Variants in ZDHHC3 observed in about 807,000 individuals in gnomAD.
ZDHHC3 encodes palmitoyltransferase ZDHHC3.
A neutral mutation model predicts 30.6 loss-of-function variants in ZDHHC3; 9 were observed. The ratio of observed to expected loss-of-function variants is 0.29; its 90% confidence interval spans 0.18 to 0.51. The LOEUF (loss-of-function observed/expected upper bound fraction) is 0.51, where lower values mean the gene tolerates loss of function less well. Ranked by LOEUF, ZDHHC3 falls within the 20% of genes least tolerant of loss-of-function variation. The pLI is 0.97. For synonymous variants in ZDHHC3, 136 were observed against 140.2 expected, an observed-to-expected ratio of 0.97 and a Z score of 0.21; for missense variants, 246 against 384.2, an observed-to-expected ratio of 0.64 and a Z score of 3.01.
At position 44,923,929 on chromosome 3, in the gene ZDHHC3, T is replaced by G. The variant is rs1358025313; in HGVS notation, c.*2760A>C. The G allele has an allele frequency of 4.1e-6, 4 of 985,466 alleles. No homozygotes were observed. The highest frequency in any genetic ancestry group is 4.8e-6 in the Non-Finnish European group (4 of 829,934). The allele number at this position is 985,466 out of a possible 1,614,324, so 61.0% of individuals were successfully genotyped here. A position where few individuals can be genotyped will look rare whatever the true frequency, so the allele number is the denominator to read the frequency against. On this transcript the variant is annotated 3_prime_UTR_variant, in exon 7 of 7. Coordinates refer to ENST00000424952, the MANE Select transcript of ZDHHC3 (RefSeq NM_001135179.2). ...ATTACCAAGCCCATGCAAATATGCA[T>G]AGATTATAGATTTGCTTGGATCTAA...
chr3:44,950,127 G>T (rs187205264), intron 2 of ZDHHC3, among the ~76,000 whole-genome samples: 58 of 152,282 alleles, frequency 3.8e-4, no homozygotes, highest in Non-Finnish European at 6.8e-4. Flanking sequence ...GTGAGCCATT[G>T]TCCCCAGCTG....
rs1700777455 is a variant in ZDHHC3, at chr3:44,923,734, T to A, written c.*2955A>T. On this transcript the variant is annotated 3_prime_UTR_variant, in exon 7 of 7. Coordinates refer to ENST00000424952, the MANE Select transcript of ZDHHC3 (RefSeq NM_001135179.2). ...ACAAGAATCACTTGAGCCCAGGAGT[T>A]CAAGGCTGCAGTGAGCTCTAATTGT... 1.1e-6 allele frequency: 1 copy of A among 905,982 alleles called. No homozygotes were observed. Among genetic ancestry groups the A allele is most frequent in the Non-Finnish European group, 1.3e-6 (1 of 757,790 alleles). 56.1% of individuals were successfully genotyped at this position (905,982 alleles called of 1,614,324 possible).
At chr3:44,953,769 C>T (rs985489195) in intron 2 of ZDHHC3, among the ~76,000 whole-genome samples, 7 of 152,124 alleles carry the variant, frequency 4.6e-5, no homozygotes, top group African/African-American at 1.4e-4. Context: ...ATAAGTTGCT[C>T]GGGGGCAGGG....
chr3:44,954,172 A>C (rs1175110765), intron 2 of ZDHHC3, among the ~76,000 whole-genome samples: 1 of 152,024 alleles, frequency 6.6e-6, no homozygotes, highest in African/African-American at 2.4e-5. Context: ...GTCTGTTTAC[A>C]GCAAGGTGTT....
intron 5 of ZDHHC3, among the ~76,000 whole-genome samples, chr3:44,930,542 G>A (rs372635526): frequency 5.3e-5 from 8 of 152,138 alleles, no homozygotes; most frequent in East Asian, 1.9e-4. Context: ...GGGCAGAGTC[G>A]GGCTTCATTA....
Position 44,921,118 on chromosome 3 carries a change from GGT to G in ZDHHC3, c.*5569_*5570del. The stretch of plus-strand genomic sequence containing the variant: ...TAGTCGACACCAGAAGCTCTTGCAG[GGT>G]GTGTGATGGGCCTTTTGGCCCAGGT... On this transcript the variant is annotated 3_prime_UTR_variant, in exon 7 of 7. Transcript: ENST00000424952. The G allele has an allele frequency of 1.0e-6, 1 of 985,412 alleles. No individual in the cohort carries two copies. The highest frequency in any genetic ancestry group is 1.7e-5 in the African/African-American group (1 of 57,354). The allele number at this position is 985,412 out of a possible 1,614,324, so 61.0% of individuals were successfully genotyped here.
intron 1 of ZDHHC3, among the ~76,000 whole-genome samples, chr3:44,964,324 A>AGCCAAGTGAAG (rs1704741639): frequency 6.6e-6 from 1 of 152,200 alleles, no homozygotes. Flanking sequence ...CAGCACCTGG[A>AGCCAAGTGAAG]GCCAAGTGAA....
At position 44,921,248 on chromosome 3, in the gene ZDHHC3, G is replaced by T. The variant is rs2125783361; in HGVS notation, c.*5441C>A. 1 of 985,376 alleles carries T rather than the reference G, an allele frequency of 1.0e-6. No homozygotes were observed. The highest frequency in any genetic ancestry group is 4.7e-5 in the South Asian group (1 of 21,282). The allele number at this position is 985,376 out of a possible 1,614,324, so 61.0% of individuals were successfully genotyped here. On this transcript the variant is annotated 3_prime_UTR_variant, in exon 7 of 7. Transcript: ENST00000424952. ...TCCCGAGGAAGGAAGAGTCTGTGCA[G>T]AACAGACTCAGCTGAGCCCCACAGA...
intron 6 of ZDHHC3, among the ~76,000 whole-genome samples, chr3:44,927,141 C>T (rs139442058): frequency 1.2e-4 from 19 of 152,168 alleles, no homozygotes; most frequent in African/African-American, 4.3e-4. Flanking sequence ...AGATAAGGAG[C>T]GCGTCTCTCC....
intron 3 of ZDHHC3, 64 bp from the exon 4 acceptor site, chr3:44,934,048 A>C: frequency 6.7e-7 from 1 of 1,492,000 alleles, no homozygotes; most frequent in East Asian, 2.3e-5. Context: ...CCCCGGGGGA[A>C]CGCAGAACCC....
At position 44,929,372 on chromosome 3, in the gene ZDHHC3, C is replaced by G. The variant is rs1221973553; in HGVS notation, c.675G>C (p.Leu225=). The change falls in exon 6 of 7, where the codon CTG becomes CTC. Residue 225 remains leucine (L), a synonymous_variant. Coordinates refer to ENST00000424952, the MANE Select transcript of ZDHHC3 (RefSeq NM_001135179.2). ...ILLILLCFEG[L]LFLIFTSVMF... is the part of the protein sequence containing the mutation. ...TCACTGATGTGAAAATGAGGAAGAG[C>G]AGGCCCTCAAAGCACAGCAGGATAA... 1 of 1,614,122 alleles carries G rather than the reference C, an allele frequency of 6.2e-7. No homozygotes were observed. The highest frequency in any genetic ancestry group is 1.7e-5 in the Admixed American group (1 of 60,016).
In ZDHHC3 at chr3:44,922,713, G is replaced by A; in HGVS notation, c.*3976C>T. On this transcript the variant is annotated 3_prime_UTR_variant, in exon 7 of 7. Transcript: ENST00000424952. ...TCAGAATCACCTGGAGGGCTGTTAA[G>A]ACACGGGCTGCTGGGCCCCGCTCGG... The A allele has an allele frequency of 1.0e-6, 1 of 985,092 alleles. No homozygotes were observed. The highest frequency in any genetic ancestry group is 1.7e-5 in the African/African-American group (1 of 57,350). The allele number at this position is 985,092 out of a possible 1,614,324, so 61.0% of individuals were successfully genotyped here.
At position 44,959,238 on chromosome 3, in the gene ZDHHC3, G is replaced by C; in HGVS notation, c.199C>G (p.Leu67Val). 1 of 1,614,262 alleles carries C rather than the reference G, an allele frequency of 6.2e-7. No individual in the cohort carries two copies. The highest frequency in any genetic ancestry group is 8.5e-7 in the Non-Finnish European group (1 of 1,180,060). Residue 67 changes from leucine (L) to valine (V), a missense_variant, in exon 2 of 7, where the codon CTG (leucine) becomes GTG (valine). By Grantham distance (32) the Leu-to-Val change is conservative. Coordinates refer to ENST00000424952, the MANE Select transcript of ZDHHC3 (RefSeq NM_001135179.2). This position sits in a 1 kb window ranked among gnomAD's most constrained non-coding sequence, Gnocchi z 4.3. ...TACACGTAGTCTCGAGATGGAATCA[G>C]CATGACAAAGAGGACCACGAACTCC... ...YAEFVVLFVM[L>V]IPSRDYVYSI...
At chr3:44,934,006 A>T (rs375630806) in intron 3 of ZDHHC3, 22 bp from the exon 4 acceptor site, 57 of 1,612,578 alleles carry the variant, frequency 3.5e-5, no homozygotes, top group Non-Finnish European at 3.4e-5. Flanking sequence ...CACAGGTCAG[A>T]CCTTTAGGGC....
chr3:44,921,344 T>C lies in ZDHHC3; in HGVS notation c.*5345A>G, dbSNP rs1418137202. Reference sequence around the variant, plus strand: ...AGCCAGAGCCTCAGGGAGCAGCCTATGCAAATGTGTCTCTTCATAGCGGGC... The same window carrying C: ...AGCCAGAGCCTCAGGGAGCAGCCTACGCAAATGTGTCTCTTCATAGCGGGC... On this transcript the variant is annotated 3_prime_UTR_variant, in exon 7 of 7. Coordinates refer to ENST00000424952, the MANE Select transcript of ZDHHC3 (RefSeq NM_001135179.2). The C allele has an allele frequency of 1.0e-6, 1 of 978,832 alleles. No individual in the cohort carries two copies. Among genetic ancestry groups the C allele is most frequent in the East Asian group, 1.5e-4 (1 of 6,854 alleles). The allele number at this position is 978,832 out of a possible 1,614,324, so 60.6% of individuals were successfully genotyped here. A position where few individuals can be genotyped will look rare whatever the true frequency, so the allele number is the denominator to read the frequency against.
rs542752179 is a variant in ZDHHC3, at chr3:44,967,523, AT to A, written c.-24-8064del. ...ACATAGTGAGACCTTGTTTCTATAA[AT>A]TTTTTTTAATTGGGGGAAAAAAAAG... On this transcript the variant is annotated intron_variant, in intron 1 of 6. Coordinates refer to ENST00000424952, the MANE Select transcript of ZDHHC3 (RefSeq NM_001135179.2). Among the ~76,000 whole-genome samples, 770 of 151,388 alleles carry A rather than the reference AT, an allele frequency of 5.1e-3. 7 individuals are homozygous for A. The highest frequency in any genetic ancestry group is 6.2e-3 in the Non-Finnish European group (418 of 67,744).
At position 44,917,186 on chromosome 3, in the gene ZDHHC3, T is replaced by C. The variant is rs182918002; in HGVS notation, c.*9503A>G. The C allele has an allele frequency of 2.0e-5, 3 of 152,666 alleles. No individual in the cohort carries two copies. The highest frequency in any genetic ancestry group is 2.0e-4 in the Admixed American group (3 of 15,322). The allele number at this position is 152,666 out of a possible 1,614,324, so 9.5% of individuals were successfully genotyped here. A position where few individuals can be genotyped will look rare whatever the true frequency, so the allele number is the denominator to read the frequency against. On this transcript the variant is annotated 3_prime_UTR_variant, in exon 7 of 7. Transcript: ENST00000424952. ...CCAGTGTCTGTGGAATGGGGGCTCA[T>C]TTTCGGTGCTACTGTCTTAACTCTG...
chr3:44,949,584 TGAG>T (rs1350730661), intron 2 of ZDHHC3, among the ~76,000 whole-genome samples: 2 of 152,068 alleles, frequency 1.3e-5, no homozygotes, highest in Admixed American at 1.3e-4. Flanking sequence ...AACAAAAACT[TGAG>T]GAGCCACCCA....
chr3:44,924,940 T>C lies in ZDHHC3; in HGVS notation c.*1749A>G, dbSNP rs1273243107. ...TCAGGAAAGCTCTTAGGAGAGCCCATCAGCACAAAGGAATTGATTCAGGCT... is the reference window on the plus strand; with the variant it reads ...TCAGGAAAGCTCTTAGGAGAGCCCACCAGCACAAAGGAATTGATTCAGGCT... On this transcript the variant is annotated 3_prime_UTR_variant, in exon 7 of 7. Coordinates refer to ENST00000424952, the MANE Select transcript of ZDHHC3 (RefSeq NM_001135179.2). The C allele has an allele frequency of 1.0e-6, 1 of 985,392 alleles. No homozygotes were observed. Among genetic ancestry groups the C allele is most frequent in the East Asian group, 1.1e-4 (1 of 8,828 alleles). The allele number at this position is 985,392 out of a possible 1,614,324, so 61.0% of individuals were successfully genotyped here. A position where few individuals can be genotyped will look rare whatever the true frequency, so the allele number is the denominator to read the frequency against.
Sources: gnomAD v4.1 joint callset for allele counts (sites outside exome capture counted in the v4.1 genomes callset) on GRCh38, gnomAD v4.1.1 for gene constraint, Gnocchi (gnomAD v3.1) non-coding constraint, MANE v1.5 for transcripts, NCBI Gene and HGNC (gene_info 2026-07-23, HGNC 2026-07-21) for gene names.